SUGCT: variants seen among roughly 807,000 people sequenced by gnomAD.
The protein encoded by SUGCT is succinyl-CoA:glutarate CoA-transferase.
Under a neutral mutation model 55.0 loss-of-function variants are expected in SUGCT, and 41 were observed. That is an observed-to-expected ratio of 0.74 (90% confidence interval 0.58 to 0.97). The LOEUF is 0.97. SUGCT is among the 50% of genes least tolerant of loss of function. SUGCT has a pLI of 0.00. For synonymous variants in SUGCT, 187 were observed against 200.4 expected, an observed-to-expected ratio of 0.93 and a Z score of 0.56; for missense variants, 568 against 547.8, an observed-to-expected ratio of 1.04 and a Z score of -0.37.
Position 40,175,340 on chromosome 7 carries a change from C to T in SUGCT, c.101-5607C>T, listed in dbSNP as rs190846359. On this transcript the variant is annotated intron_variant, in intron 1 of 13. Transcript: ENST00000335693. Reference sequence around the variant, plus strand: ...GTTCAAGCGATTCTCCTGCCTCAGCCCCCCTAGTAGCTGGGATTACAGGTA... The same window carrying T: ...GTTCAAGCGATTCTCCTGCCTCAGCTCCCCTAGTAGCTGGGATTACAGGTA... 1.2e-3 allele frequency among the ~76,000 whole-genome samples: 180 copies of T among 152,120 alleles called. 1 individual carries two copies. Among genetic ancestry groups the T allele is most frequent in the African/African-American group, 4.2e-3 (174 of 41,494 alleles).
intron 7 of SUGCT, among the ~76,000 whole-genome samples, chr7:40,244,113 C>T (rs909105933): frequency 6.6e-6 from 1 of 152,174 alleles, no homozygotes; most frequent in Non-Finnish European, 1.5e-5. Flanking sequence ...GTGGAGGTTG[C>T]TGTGAGCCCA....
chr7:40,708,054 T>C (rs571715233), intron 12 of SUGCT, among the ~76,000 whole-genome samples: 1 of 152,286 alleles, frequency 6.6e-6, no homozygotes, highest in East Asian at 1.9e-4. Flanking sequence ...GAAATAGAGA[T>C]AAGTCATTCC....
rs70990637 is a variant in SUGCT at position 40,666,419 on chromosome 7, G to GTTT, written c.1090-82992_1090-82990dup. ...AGAAAGAAAGTAGGGTTATAGGTTA[G>GTTT]TTTTTTTTTTTTTTTTTTTTTTTTT... is the stretch of plus-strand genomic sequence containing the variant. On this transcript the variant is annotated intron_variant, in intron 12 of 13. Transcript: ENST00000335693. Among the ~76,000 whole-genome samples the GTTT allele has an allele frequency of 1.6e-3, 116 of 72,224 alleles. 12 individuals carry two copies. Among genetic ancestry groups the GTTT allele is most frequent in the African/African-American group, 6.0e-3 (87 of 14,384 alleles). 47.4% of individuals were successfully genotyped at this position (72,224 alleles called of 152,430 possible). A position where few individuals can be genotyped will look rare whatever the true frequency, so the allele number is the denominator to read the frequency against.
rs528833088 is a variant in SUGCT at position 40,551,442 on chromosome 7, G to A, written c.1089+55056G>A. On this transcript the variant is annotated intron_variant, in intron 12 of 13. Coordinates refer to ENST00000335693, the MANE Select transcript of SUGCT (RefSeq NM_001193313.2). Reference sequence around the variant, plus strand: ...ACATATAACTTTAAAACATCTTTAAGCTGTCTTTCAAAGTTTGTAAACAGA... The same window carrying A: ...ACATATAACTTTAAAACATCTTTAAACTGTCTTTCAAAGTTTGTAAACAGA... 1.7e-4 allele frequency among the ~76,000 whole-genome samples: 26 copies of A among 152,276 alleles called. No individual in the cohort carries two copies. In the South Asian group the frequency reaches 5.2e-3, roughly 30 times the overall value.
At chr7:40,160,430 T>C (rs1431896022) in intron 1 of SUGCT, among the ~76,000 whole-genome samples, 3 of 152,090 alleles carry the variant, frequency 2.0e-5, no homozygotes, top group East Asian at 3.9e-4. Flanking sequence ...AGTTTCACCA[T>C]GTTGGTCAGG....
the SUGCT span, among the ~76,000 whole-genome samples, chr7:40,992,684 T>C: frequency 6.6e-6 from 1 of 152,144 alleles, no homozygotes; most frequent in African/African-American, 2.4e-5. Context: ...CTGGTTATAA[T>C]AGGAAGAGAT....
At chr7:40,550,228 G>T (rs536204722) in intron 12 of SUGCT, among the ~76,000 whole-genome samples, 2 of 152,202 alleles carry the variant, frequency 1.3e-5, no homozygotes, top group African/African-American at 4.8e-5. Context: ...GGTCTTGTCT[G>T]TGACTCTGGT....
intron 13 of SUGCT, among the ~76,000 whole-genome samples, chr7:40,826,728 T>C (rs1229652733): frequency 3.3e-5 from 5 of 152,206 alleles, no homozygotes; most frequent in African/African-American, 1.2e-4. Context: ...CATCAGTCTT[T>C]GTAAGTATTG....
intron 6 of SUGCT, among the ~76,000 whole-genome samples, chr7:40,205,061 C>A (rs1786882714): frequency 6.6e-6 from 1 of 151,968 alleles, no homozygotes; most frequent in Non-Finnish European, 1.5e-5. Context: ...CGAGACCAGC[C>A]TGGCCAACAT....
chr7:40,525,347 T>C (rs953041783), intron 12 of SUGCT, among the ~76,000 whole-genome samples: 16 of 152,094 alleles, frequency 1.1e-4, no homozygotes, highest in African/African-American at 3.1e-4. Flanking sequence ...GGAGATAAAG[T>C]TGTAGCCAAG....
rs189427402 is a variant in SUGCT at position 40,616,142 on chromosome 7, A to G, written c.1089+119756A>G. On this transcript the variant is annotated intron_variant, in intron 12 of 13. Coordinates refer to ENST00000335693, the MANE Select transcript of SUGCT (RefSeq NM_001193313.2). ...GCCAGATACTGAACAATGTATTTAC[A>G]TGTGTTTTCTTCTTTATTCTTTGAA... Among the ~76,000 whole-genome samples, 12 of 152,256 alleles carry G rather than the reference A, an allele frequency of 7.9e-5. No homozygotes were observed. The East Asian group carries it at 1.2e-3, about 15-fold the overall frequency.
At chr7:40,836,679 G>A (rs1220002018) in intron 13 of SUGCT, among the ~76,000 whole-genome samples, 1 of 152,034 alleles carries the variant, frequency 6.6e-6, no homozygotes, top group Non-Finnish European at 1.5e-5. Context: ...CTTATTTCAA[G>A]AATGTTGTAT....
intron 12 of SUGCT, among the ~76,000 whole-genome samples, chr7:40,611,994 A>G (rs553441990): frequency 6.7e-6 from 1 of 150,006 alleles, no homozygotes; most frequent in East Asian, 1.9e-4. Flanking sequence ...GCACTGTTAA[A>G]AACTTTGATT....
downstream of SUGCT, among the ~76,000 whole-genome samples, chr7:40,864,838 G>A (rs10263468): frequency 0.32 from 48,546 of 151,866 alleles, 8,567 homozygotes; most frequent in East Asian, 0.71. Context: ...CCGAGAGGGA[G>A]GGGCAGGCAC....
At chr7:40,428,306 T>G (rs1033314533) in intron 9 of SUGCT, among the ~76,000 whole-genome samples, 7 of 152,174 alleles carry the variant, frequency 4.6e-5, no homozygotes, top group African/African-American at 1.7e-4. Flanking sequence ...TATAGTTGGA[T>G]TTTTGAAATT....
intron 11 of SUGCT, among the ~76,000 whole-genome samples, chr7:40,459,517 A>G (rs1332819183): frequency 6.6e-6 from 1 of 152,214 alleles, no homozygotes; most frequent in African/African-American, 2.4e-5. Flanking sequence ...ATACAACAAC[A>G]ACAACAATAA....
At chr7:40,977,226 A>G in the SUGCT span, among the ~76,000 whole-genome samples, 3 of 152,112 alleles carry the variant, frequency 2.0e-5, no homozygotes, top group African/African-American at 7.2e-5. Context: ...GGAGGGAGAG[A>G]AAAGGGAACA....
At chr7:40,409,157 G>A (rs1205829079) in intron 9 of SUGCT, among the ~76,000 whole-genome samples, 1 of 152,094 alleles carries the variant, frequency 6.6e-6, no homozygotes, top group Non-Finnish European at 1.5e-5. Flanking sequence ...GTTTTACCAT[G>A]ATGCCCAGGC....
At chr7:40,598,425 T>C (rs751325763) in intron 12 of SUGCT, among the ~76,000 whole-genome samples, 1 of 152,238 alleles carries the variant, frequency 6.6e-6, no homozygotes, top group Non-Finnish European at 1.5e-5. Context: ...TATATCAGCA[T>C]GCCAGGTCAT....
Sources: gnomAD v4.1 joint callset for allele counts (sites outside exome capture counted in the v4.1 genomes callset) on GRCh38, gnomAD v4.1.1 for gene constraint, MANE v1.5 for transcripts, NCBI Gene and HGNC (gene_info 2026-07-23, HGNC 2026-07-21) for gene names.